TIMMDC1: variants seen among roughly 807,000 people sequenced by gnomAD.
The protein encoded by TIMMDC1 is translocase of inner mitochondrial membrane domain containing 1.
In TIMMDC1, 25 loss-of-function variants were observed where a neutral mutation model predicts 32.6. That is an observed-to-expected ratio of 0.77 (90% CI 0.56 to 1.07). The LOEUF is 1.07. TIMMDC1 is among the 50% of genes least tolerant of loss of function. TIMMDC1 has a pLI of 0.00. For missense variants in TIMMDC1, 329 were observed against 349.2 expected, an observed-to-expected ratio of 0.94 and a Z score of 0.46; for synonymous variants, 130 against 127.6, an observed-to-expected ratio of 1.02 and a Z score of -0.13.
intron 4 of TIMMDC1, among the ~76,000 whole-genome samples, chr3:119,507,679 T>G (rs1428180549): frequency 6.6e-6 from 1 of 152,212 alleles, no homozygotes; most frequent in Non-Finnish European, 1.5e-5. Context: ...TTTTACTTGG[T>G]CTCTTCAAAC....
intron 6 of TIMMDC1, 119 bp from the exon 7 acceptor site, chr3:119,523,487 C>A: frequency 1.0e-6 from 1 of 980,210 alleles, no homozygotes; most frequent in Non-Finnish European, 1.5e-6. Context: ...GCAGTATTTG[C>A]TTCTAAATTG....
At position 119,517,368 on chromosome 3, in the gene TIMMDC1, T is replaced by C. The variant is rs143051406; in HGVS notation, c.707+53T>C. ...CTTGGCTCTCTTGCCCCAGGCCTTA[T>C]ATAGTGGTGCTCTTTTAAACTTATG... On this transcript the variant is annotated intron_variant, in intron 6 of 6. Transcript: ENST00000494664. The C allele has an allele frequency of 1.5e-3, 1,782 of 1,171,676 alleles. 17 individuals are homozygous for C. The African/African-American group carries it at 0.022, about 14-fold the overall frequency. 72.6% of individuals were successfully genotyped at this position (1,171,676 alleles called of 1,614,324 possible). A position where few individuals can be genotyped will look rare whatever the true frequency, so the allele number is the denominator to read the frequency against.
At chr3:119,505,278 T>C (rs1478088134) in intron 4 of TIMMDC1, among the ~76,000 whole-genome samples, 1 of 152,152 alleles carries the variant, frequency 6.6e-6, no homozygotes, top group Non-Finnish European at 1.5e-5. Flanking sequence ...TTCAGAAAGG[T>C]AAGTTAACTG....
intron 5 of TIMMDC1, among the ~76,000 whole-genome samples, chr3:119,515,668 C>CA (rs1413449242): frequency 6.6e-6 from 1 of 152,184 alleles, no homozygotes; most frequent in Non-Finnish European, 1.5e-5. Flanking sequence ...GTCTCCATTG[C>CA]AAAGATATCT....
chr3:119,524,064 A>C lies in TIMMDC1; in HGVS notation c.*308A>C. ...TAAATAAAACATTTCGCAAAAGATTAAAGTTGAATTTTACAGTTCGTATAT... is the reference window on the plus strand; with the variant it reads ...TAAATAAAACATTTCGCAAAAGATTCAAGTTGAATTTTACAGTTCGTATAT... On this transcript the variant is annotated 3_prime_UTR_variant, in exon 7 of 7. Transcript: ENST00000494664. The C allele has an allele frequency of 5.2e-6, 1 of 193,112 alleles. No homozygotes were observed. Among genetic ancestry groups the C allele is most frequent in the Non-Finnish European group, 1.1e-5 (1 of 94,032 alleles). 12.0% of individuals were successfully genotyped at this position (193,112 alleles called of 1,614,324 possible).
intron 2 of TIMMDC1, among the ~76,000 whole-genome samples, chr3:119,501,535 T>A (rs2081875578): frequency 6.6e-6 from 1 of 152,190 alleles, no homozygotes; most frequent in African/African-American, 2.4e-5. Context: ...AATTCTCTTA[T>A]ACAACCACAA....
chr3:119,509,073 G>A (rs1012775282), intron 4 of TIMMDC1, among the ~76,000 whole-genome samples: 1 of 152,076 alleles, frequency 6.6e-6, no homozygotes, highest in Non-Finnish European at 1.5e-5. Flanking sequence ...GGGCATGGTG[G>A]TGCACATCTG....
rs150396264 is a variant in TIMMDC1 at position 119,517,313 on chromosome 3, G to A, written c.705G>A (p.Glu235=). ...RKALHELKLE[E]WKGRLQVTEH... ...CACTCCATGAGCTAAAACTGGAAGAGTGGTAAGGAACATGTTGAGCCCAGG... is the reference window on the plus strand; with the variant it reads ...CACTCCATGAGCTAAAACTGGAAGAATGGTAAGGAACATGTTGAGCCCAGG... Residue 235 remains glutamate (E), a splice_region_variant and synonymous_variant, in exon 6 of 7, where the codon GAG becomes GAA. Coordinates refer to ENST00000494664, the MANE Select transcript of TIMMDC1 (RefSeq NM_016589.4). 99 of 1,604,980 alleles carry A rather than the reference G, an allele frequency of 6.2e-5. No individual in the cohort carries two copies. The African/African-American group carries it at 1.2e-3, about 20-fold the overall frequency.
intron 6 of TIMMDC1, among the ~76,000 whole-genome samples, chr3:119,520,168 A>G (rs2082016028): frequency 6.6e-6 from 1 of 152,174 alleles, no homozygotes; most frequent in Admixed American, 6.5e-5. Flanking sequence ...GAAATGTTTC[A>G]AATAAACAAC....
chr3:119,521,901 C>T (rs1577103808), intron 6 of TIMMDC1, among the ~76,000 whole-genome samples: 1 of 151,858 alleles, frequency 6.6e-6, no homozygotes, highest in Admixed American at 6.6e-5. Flanking sequence ...ATCAGAAAGA[C>T]AAAAAATAAA....
Position 119,517,277 on chromosome 3 carries a change from G to A in TIMMDC1, c.669G>A (p.Lys223=). 1 of 1,613,724 alleles carries A rather than the reference G, an allele frequency of 6.2e-7. No homozygotes were observed. Among genetic ancestry groups the A allele is most frequent in the Non-Finnish European group, 8.5e-7 (1 of 1,179,726 alleles). The change falls in exon 6 of 7, where the codon AAG becomes AAA. Residue 223 remains lysine (K), a synonymous_variant. Coordinates refer to ENST00000494664, the MANE Select transcript of TIMMDC1 (RefSeq NM_016589.4). ...AGACTGTTCAGGAAAGAAAACAGAA[G>A]GATCGAAAGGCACTCCATGAGCTAA... ...SGETVQERKQ[K]DRKALHELKL...
chr3:119,513,312 T>G (rs2081966135), intron 4 of TIMMDC1, among the ~76,000 whole-genome samples: 1 of 149,046 alleles, frequency 6.7e-6, no homozygotes, highest in Non-Finnish European at 1.5e-5. Context: ...TTTTTTATTT[T>G]CCTTGAAGAA....
intron 4 of TIMMDC1, 61 bp downstream of exon 4, chr3:119,504,082 G>T: frequency 7.1e-6 from 9 of 1,260,170 alleles, no homozygotes; most frequent in Non-Finnish European, 1.0e-5. Context: ...AATGTGTAAG[G>T]ACTTATACAT....
At chr3:119,522,471 C>A (rs189213811) in intron 6 of TIMMDC1, among the ~76,000 whole-genome samples, 3 of 151,926 alleles carry the variant, frequency 2.0e-5, no homozygotes, top group African/African-American at 7.3e-5. Context: ...ATAACTAGAT[C>A]GGAGGCATAA....
chr3:119,499,011 A>C lies in TIMMDC1; in HGVS notation c.194+84A>C. 3 of 1,156,120 alleles carry C rather than the reference A, an allele frequency of 2.6e-6. No individual in the cohort carries two copies. The South Asian group carries it at 4.1e-5, about 16-fold the overall frequency. 71.6% of individuals were successfully genotyped at this position (1,156,120 alleles called of 1,614,324 possible). On this transcript the variant is annotated intron_variant, in intron 1 of 6. Transcript: ENST00000494664. ...GTGGGCAGCCTGGGTCAGCCTTAGG[A>C]CACCAAGGATGGTGTGCTTCATTTT...
intron 6 of TIMMDC1, among the ~76,000 whole-genome samples, chr3:119,518,870 T>C (rs1442690062): frequency 6.8e-6 from 1 of 147,988 alleles, no homozygotes; most frequent in Non-Finnish European, 1.5e-5. Flanking sequence ...TTCCAAGTGC[T>C]AAAAGGAAAA....
chr3:119,501,500 G>C (rs1429257978), intron 2 of TIMMDC1, among the ~76,000 whole-genome samples: 2 of 152,062 alleles, frequency 1.3e-5, no homozygotes, highest in African/African-American at 4.8e-5. Flanking sequence ...GAATACTTCA[G>C]TGTGTTATTT....
At position 119,523,655 on chromosome 3, in the gene TIMMDC1, A is replaced by G. The variant is rs2082046007; in HGVS notation, c.757A>G (p.Ser253Gly). Residue 253 changes from serine to glycine, a missense_variant, in exon 7 of 7, where the codon AGT becomes GGT. Ser to Gly is a moderately conservative substitution (Grantham distance 56). Coordinates refer to ENST00000494664, the MANE Select transcript of TIMMDC1 (RefSeq NM_016589.4). ...TEHLPEKIES[S>G]LQEDEPENDA... ...GCACCTCCCTGAGAAAATTGAAAGTAGTTTACAGGAAGATGAACCTGAGAA... is the reference window on the plus strand; with the variant it reads ...GCACCTCCCTGAGAAAATTGAAAGTGGTTTACAGGAAGATGAACCTGAGAA... 6 of 1,613,224 alleles carry G rather than the reference A, an allele frequency of 3.7e-6. No homozygotes were observed. The highest frequency in any genetic ancestry group is 3.3e-4 in the Middle Eastern group (2 of 6,076).
chr3:119,516,052 T>C lies in TIMMDC1; in HGVS notation c.597-1153T>C, dbSNP rs72952951. Among the ~76,000 whole-genome samples, 1,253 of 152,364 alleles carry C rather than the reference T, an allele frequency of 8.2e-3. 8 individuals carry two copies. The highest frequency in any genetic ancestry group is 0.029 in the African/African-American group (1,199 of 41,586). ...GTAGTGTTAATATACCAGTTTGGTT[T>C]GAAGGGAAAAGTTGTAGGAGTTAGC... is the stretch of plus-strand genomic sequence containing the variant. On this transcript the variant is annotated intron_variant, in intron 5 of 6. Coordinates refer to ENST00000494664, the MANE Select transcript of TIMMDC1 (RefSeq NM_016589.4).
Sources: allele counts gnomAD v4.1 joint callset (sites outside exome capture counted in the v4.1 genomes callset), GRCh38; gene constraint gnomAD v4.1.1; transcripts MANE v1.5; gene names NCBI Gene and HGNC (gene_info 2026-07-23, HGNC 2026-07-21).